The following IMMP2L variants were observed in gnomAD, a reference collection of about 807,000 sequenced individuals.
The protein encoded by IMMP2L is inner mitochondrial membrane peptidase subunit 2.
Under a neutral mutation model 19.3 loss-of-function variants are expected in IMMP2L, and 18 were observed. The observed-to-expected ratio is 0.93, with a 90% CI of 0.64 to 1.38. The LOEUF is 1.38. Ranked by LOEUF, IMMP2L falls within the 40% of genes most tolerant of loss-of-function variation. IMMP2L has a pLI of 0.00. For missense variants in IMMP2L, 233 were observed against 218.2 expected, an observed-to-expected ratio of 1.07 and a Z score of -0.43; for synonymous variants, 76 against 73.0, an observed-to-expected ratio of 1.04 and a Z score of -0.21.
intron 5 of IMMP2L, among the ~76,000 whole-genome samples, chr7:110,666,656 C>T (rs1791477124): frequency 2.6e-5 from 4 of 152,168 alleles, no homozygotes; most frequent in Admixed American, 2.6e-4. Context: ...AGGGAATACA[C>T]ATAAAAAATC....
At chr7:110,912,884 G>T (rs1351848920) in intron 4 of IMMP2L, among the ~76,000 whole-genome samples, 1 of 151,888 alleles carries the variant, frequency 6.6e-6, no homozygotes, top group African/African-American at 2.4e-5. Context: ...TTGTGATTTT[G>T]CATCTCCTCA....
intron 3 of IMMP2L, among the ~76,000 whole-genome samples, chr7:111,302,236 C>A (rs912133231): frequency 6.6e-6 from 1 of 152,136 alleles, no homozygotes; most frequent in Non-Finnish European, 1.5e-5. Flanking sequence ...CCAAGCTATA[C>A]AAACACCCAA....
intron 3 of IMMP2L, among the ~76,000 whole-genome samples, chr7:111,271,195 G>A (rs1252998652): frequency 6.6e-6 from 1 of 152,024 alleles, no homozygotes; most frequent in Admixed American, 6.6e-5. Flanking sequence ...GTTGCCATAT[G>A]AGGAAGGACG....
intron 2 of IMMP2L, among the ~76,000 whole-genome samples, chr7:111,495,299 A>G (rs1463253596): frequency 2.6e-5 from 4 of 152,086 alleles, no homozygotes; most frequent in Non-Finnish European, 2.9e-5. Flanking sequence ...TATAATGAAC[A>G]TATATTTAGT....
rs73435324 is a variant in IMMP2L at position 110,698,616 on chromosome 7, C to A, written c.409-34895G>T. ...GAAACTGACATATAAACTTTAGAAG[C>A]CTTTAGGACTAAAAGTTCATGCTCC... On this transcript the variant is annotated intron_variant, in intron 5 of 5. Transcript: ENST00000405709. Among the ~76,000 whole-genome samples, 1,416 of 152,230 alleles carry A rather than the reference C, an allele frequency of 9.3e-3. 25 individuals are homozygous for A. Among genetic ancestry groups the A allele is most frequent in the African/African-American group, 0.032 (1,309 of 41,548 alleles).
intron 3 of IMMP2L, among the ~76,000 whole-genome samples, chr7:111,218,496 C>T (rs149496203): frequency 9.7e-4 from 147 of 151,542 alleles, no homozygotes; most frequent in Non-Finnish European, 1.7e-3. Flanking sequence ...GAGAAATGCA[C>T]CAATAAACCC....
chr7:110,798,646 G>C (rs935231326), intron 5 of IMMP2L, among the ~76,000 whole-genome samples: 6 of 151,914 alleles, frequency 3.9e-5, no homozygotes, highest in Admixed American at 3.9e-4. Flanking sequence ...AAGCCAAATA[G>C]GAAGAAAGCG....
intron 3 of IMMP2L, among the ~76,000 whole-genome samples, chr7:111,480,228 C>G (rs1023425080): frequency 1.3e-5 from 2 of 151,612 alleles, no homozygotes; most frequent in Non-Finnish European, 2.9e-5. Flanking sequence ...GGACTACAGG[C>G]GCCCACCACC....
At chr7:111,513,302 C>T (rs973223878) in intron 2 of IMMP2L, among the ~76,000 whole-genome samples, 1 of 151,990 alleles carries the variant, frequency 6.6e-6, no homozygotes, top group South Asian at 2.1e-4. Flanking sequence ...AGGAAAAAGA[C>T]CTGTATAGAG....
At chr7:111,064,447 G>C (rs1794308500) in intron 3 of IMMP2L, among the ~76,000 whole-genome samples, 1 of 152,134 alleles carries the variant, frequency 6.6e-6, no homozygotes, top group African/African-American at 2.4e-5. Context: ...CTGGGGAAAA[G>C]TTCTCCAGAA....
chr7:110,981,550 AC>A (rs1399540261), intron 3 of IMMP2L, among the ~76,000 whole-genome samples: 1 of 151,930 alleles, frequency 6.6e-6, no homozygotes, highest in African/African-American at 2.4e-5. Context: ...GAAAAAAAAA[AC>A]CTAGTACTTT....
chr7:111,194,275 G>C (rs1220385468), intron 3 of IMMP2L, among the ~76,000 whole-genome samples: 1 of 152,116 alleles, frequency 6.6e-6, no homozygotes. Flanking sequence ...GATGAACTGA[G>C]TATTCATCCT....
chr7:110,870,880 G>C lies in IMMP2L; in HGVS notation c.408+15713C>G, dbSNP rs1808473386. Among the ~76,000 whole-genome samples the C allele has an allele frequency of 6.6e-6, 1 of 152,158 alleles. No homozygotes were observed. Among genetic ancestry groups the C allele is most frequent in the South Asian group, 2.1e-4 (1 of 4,828 alleles). On this transcript the variant is annotated intron_variant, in intron 5 of 5. Coordinates refer to ENST00000405709, the MANE Select transcript of IMMP2L (RefSeq NM_032549.4). This position sits in a 1 kb window ranked among gnomAD's most constrained non-coding sequence, Gnocchi z 4.2. ...CCACTGAAGTGTTTCATGTAGGCTAGAGATCGGGTTTGAGGATAACTGTAA... is the reference window on the plus strand; with the variant it reads ...CCACTGAAGTGTTTCATGTAGGCTACAGATCGGGTTTGAGGATAACTGTAA...
intron 3 of IMMP2L, among the ~76,000 whole-genome samples, chr7:111,417,737 A>G (rs1252417856): frequency 1.3e-5 from 2 of 151,926 alleles, no homozygotes; most frequent in Non-Finnish European, 2.9e-5. Flanking sequence ...AGATAATTCC[A>G]TTTGTAATCA....
chr7:110,844,730 T>G (rs953087585), intron 5 of IMMP2L, among the ~76,000 whole-genome samples: 1 of 62,562 alleles, frequency 1.6e-5, no homozygotes, highest in Non-Finnish European at 3.1e-5. Flanking sequence ...GGAGAGATGG[T>G]GAAGCTACAA....
intron 3 of IMMP2L, among the ~76,000 whole-genome samples, chr7:111,463,880 A>G (rs867361594): frequency 1.3e-5 from 2 of 152,220 alleles, no homozygotes; most frequent in South Asian, 4.1e-4. Context: ...GAGTATTTAC[A>G]TAATTTGTTT....
At chr7:110,933,018 T>A (rs1217288909) in intron 4 of IMMP2L, among the ~76,000 whole-genome samples, 4 of 152,234 alleles carry the variant, frequency 2.6e-5, no homozygotes, top group Non-Finnish European at 5.9e-5. Context: ...AAGATTGCTA[T>A]TACTGTGCTT....
intron 3 of IMMP2L, among the ~76,000 whole-genome samples, chr7:111,411,124 T>C (rs1173749131): frequency 1.6e-5 from 2 of 124,284 alleles, no homozygotes; most frequent in Non-Finnish European, 3.4e-5. Flanking sequence ...AAGAAAAAAA[T>C]CTTAAAAGTA....
chr7:111,007,961 T>C (rs534315688), intron 3 of IMMP2L, among the ~76,000 whole-genome samples: 1 of 152,210 alleles, frequency 6.6e-6, no homozygotes, highest in African/African-American at 2.4e-5. Flanking sequence ...TATTGATTCC[T>C]CTCTTTGTCT....
Sources: allele counts gnomAD v4.1 joint callset (sites outside exome capture counted in the v4.1 genomes callset), GRCh38; gene constraint gnomAD v4.1.1; non-coding constraint Gnocchi (gnomAD v3.1); transcripts MANE v1.5; gene names NCBI Gene and HGNC (gene_info 2026-07-23, HGNC 2026-07-21).